Variants in UBXN2A observed in about 807,000 individuals in gnomAD.
The protein encoded by UBXN2A is UBX domain protein 2A, also known as UBX domain-containing protein 2A.
In UBXN2A, 28 loss-of-function variants were observed where a neutral mutation model predicts 28.4. The observed-to-expected ratio is 0.99, with a 90% confidence interval of 0.73 to 1.35. UBXN2A has a LOEUF of 1.35. UBXN2A is among the 40% of genes most tolerant of loss of function. The pLI is 0.00. For missense variants in UBXN2A, 253 were observed against 297.9 expected, an observed-to-expected ratio of 0.85 and a Z score of 1.11; for synonymous variants, 97 against 103.6, an observed-to-expected ratio of 0.94 and a Z score of 0.39.
intron 4 of UBXN2A, among the ~76,000 whole-genome samples, chr2:23,979,364 AAATCACTTATAATTT>A (rs1343588272): frequency 2.0e-5 from 3 of 152,214 alleles, no homozygotes; most frequent in Admixed American, 6.5e-5. Flanking sequence ...AAGAACTTAA[AAATCACTTATAATTT>A]AACCACTCTG....
intron 2 of UBXN2A, among the ~76,000 whole-genome samples, chr2:23,970,912 T>C (rs990166851): frequency 1.8e-4 from 27 of 152,058 alleles, no homozygotes; most frequent in Non-Finnish European, 3.7e-4. Flanking sequence ...ATGTGAGCGA[T>C]GGGAGCAACA....
At chr2:23,942,986 C>G (rs111643448) in intron 1 of UBXN2A, among the ~76,000 whole-genome samples, 63 of 148,006 alleles carry the variant, frequency 4.3e-4, no homozygotes, top group African/African-American at 1.6e-3. Context: ...TTTTTTGAGA[C>G]GGAGTCTCGC....
intron 1 of UBXN2A, among the ~76,000 whole-genome samples, chr2:23,935,046 G>A (rs1434824630): frequency 6.6e-6 from 1 of 152,124 alleles, no homozygotes; most frequent in Non-Finnish European, 1.5e-5. Flanking sequence ...CTGCACTCCA[G>A]CCCAAGCAAC....
chr2:23,946,181 T>C (rs1706066691), intron 1 of UBXN2A, among the ~76,000 whole-genome samples: 1 of 151,944 alleles, frequency 6.6e-6, no homozygotes, highest in Non-Finnish European at 1.5e-5. Flanking sequence ...TTAGACAGAG[T>C]TTCACTTCGA....
chr2:23,985,229 C>T (rs527672833), intron 6 of UBXN2A, among the ~76,000 whole-genome samples: 2 of 152,196 alleles, frequency 1.3e-5, no homozygotes, highest in East Asian at 3.9e-4. Context: ...TGAGCCATCG[C>T]ATCCTGCCAA....
chr2:23,958,467 T>G, intron 2 of UBXN2A, 112 bp downstream of exon 2: 1 of 955,712 alleles, frequency 1.0e-6, no homozygotes, highest in African/African-American at 1.7e-5. Flanking sequence ...TATGTATGAC[T>G]ACTTCATTGT....
intron 6 of UBXN2A, chr2:23,996,790 TA>T (rs1003604112): frequency 4.0e-5 from 6 of 151,464 alleles, no homozygotes; most frequent in African/African-American, 1.5e-4. Context: ...TTTTTTTTTT[TA>T]ATAAGAGATG....
chr2:23,999,094 TTGAA>T (rs1430607915), intron 6 of UBXN2A, among the ~76,000 whole-genome samples: 1 of 152,226 alleles, frequency 6.6e-6, no homozygotes, highest in Non-Finnish European at 1.5e-5. Context: ...AGTGAATTGA[TTGAA>T]TGAGAGAATT....
At position 23,954,411 on chromosome 2, in the gene UBXN2A, A is replaced by G. The variant is rs111796340; in HGVS notation, c.-14-3890A>G. 8.4e-3 allele frequency among the ~76,000 whole-genome samples: 1,273 copies of G among 152,250 alleles called. 21 individuals are homozygous for G. The highest frequency in any genetic ancestry group is 0.028 in the African/African-American group (1,154 of 41,538). On this transcript the variant is annotated intron_variant, in intron 1 of 6. Coordinates refer to ENST00000309033, the MANE Select transcript of UBXN2A (RefSeq NM_181713.4). ...TATATACACCTCATTTTGTTTATCC[A>G]TACATCTGTTGATGGATACTTGGGT...
intron 1 of UBXN2A, among the ~76,000 whole-genome samples, chr2:23,927,773 C>T (rs552491152): frequency 6.1e-4 from 92 of 151,918 alleles, no homozygotes; most frequent in African/African-American, 2.1e-3. Context: ...CCGCCCCCTG[C>T]CCCCGGCCCG....
Position 24,003,696 on chromosome 2 carries a change from T to C in UBXN2A, c.*3829T>C, listed in dbSNP as rs982960657. The C allele has an allele frequency of 7.1e-6, 1 of 141,592 alleles. No homozygotes were observed. Among genetic ancestry groups the C allele is most frequent in the African/African-American group, 2.7e-5 (1 of 37,570 alleles). The allele number at this position is 141,592 out of a possible 1,614,324, so 8.8% of individuals were successfully genotyped here. A position where few individuals can be genotyped will look rare whatever the true frequency, so the allele number is the denominator to read the frequency against. ...TTACACAGCAGTGTTAGAGCCTCTC[T>C]GTAGTGAAACAAAAATAATGTTCTT... On this transcript the variant is annotated 3_prime_UTR_variant, in exon 7 of 7. Transcript: ENST00000309033.
At chr2:23,965,996 T>C (rs1164659333) in intron 2 of UBXN2A, among the ~76,000 whole-genome samples, 1 of 152,162 alleles carries the variant, frequency 6.6e-6, no homozygotes, top group African/African-American at 2.4e-5. Context: ...TTTAGGGGCA[T>C]AAAGCAGTTC....
intron 6 of UBXN2A, among the ~76,000 whole-genome samples, chr2:23,990,629 C>T (rs1452973006): frequency 1.2e-4 from 18 of 151,786 alleles, no homozygotes; most frequent in African/African-American, 4.4e-4. Context: ...CAAAAATTAG[C>T]TGAGTGTGGT....
intron 1 of UBXN2A, among the ~76,000 whole-genome samples, chr2:23,929,644 C>T (rs1170026873): frequency 1.3e-5 from 2 of 151,450 alleles, no homozygotes; most frequent in Non-Finnish European, 1.5e-5. Context: ...ACCCGGGAGG[C>T]GGAGGTTGCA....
intron 1 of UBXN2A, among the ~76,000 whole-genome samples, chr2:23,943,683 G>A (rs1705880740): frequency 6.6e-6 from 1 of 151,954 alleles, no homozygotes; most frequent in African/African-American, 2.4e-5. Flanking sequence ...GAGAGACAGG[G>A]TTTCACCATG....
intron 1 of UBXN2A, among the ~76,000 whole-genome samples, chr2:23,930,781 G>A (rs1169488718): frequency 6.6e-6 from 1 of 152,100 alleles, no homozygotes; most frequent in East Asian, 1.9e-4. Flanking sequence ...AATTTAGAGA[G>A]GCCAAGGTAG....
At chr2:23,969,726 G>A (rs910077588) in intron 2 of UBXN2A, among the ~76,000 whole-genome samples, 2 of 152,132 alleles carry the variant, frequency 1.3e-5, no homozygotes, top group Admixed American at 1.3e-4. Context: ...AGCTACTTGG[G>A]GGAGAATCAC....
chr2:23,946,097 G>A (rs1261104404), intron 1 of UBXN2A, among the ~76,000 whole-genome samples: 25 of 152,136 alleles, frequency 1.6e-4, no homozygotes, highest in Non-Finnish European at 1.5e-5. Context: ...CTCCCAAAGT[G>A]TGGGGATTAC....
At chr2:23,960,034 C>T (rs1009092318) in intron 2 of UBXN2A, among the ~76,000 whole-genome samples, 3 of 151,912 alleles carry the variant, frequency 2.0e-5, no homozygotes, top group Non-Finnish European at 4.4e-5. Flanking sequence ...GGGTGGATCA[C>T]GAAGTCAGGA....
Sources: allele counts gnomAD v4.1 joint callset (sites outside exome capture counted in the v4.1 genomes callset), GRCh38; gene constraint gnomAD v4.1.1; transcripts MANE v1.5; gene names NCBI Gene and HGNC (gene_info 2026-07-23, HGNC 2026-07-21).